The following SYK variants were observed in gnomAD, a reference collection of about 807,000 sequenced individuals.
SYK encodes tyrosine-protein kinase SYK.
A neutral mutation model predicts 77.8 loss-of-function variants in SYK; 16 were observed. The ratio of observed to expected loss-of-function variants is 0.21; its 90% confidence interval spans 0.14 to 0.31. The LOEUF is 0.31. SYK is among the 10% of genes least tolerant of loss of function. The pLI is 1.00. For synonymous variants in SYK, 312 were observed against 308.7 expected (o/e 1.01, Z -0.11); for missense variants, 529 against 814.4 (o/e 0.65, Z 4.26).
At chr9:90,807,512 C>T (rs1003858305) in intron 1 of SYK, among the ~76,000 whole-genome samples, 2 of 149,346 alleles carry the variant, frequency 1.3e-5, no homozygotes, top group Admixed American at 6.7e-5. Flanking sequence ...TAATGGAGAC[C>T]GTGCCTGCAG....
intron 1 of SYK, among the ~76,000 whole-genome samples, chr9:90,830,122 T>G (rs572203161): frequency 6.6e-6 from 1 of 152,396 alleles, no homozygotes; most frequent in East Asian, 1.9e-4. Flanking sequence ...TATCTCTATA[T>G]ACTAAGAAGT....
At chr9:90,890,508 C>T (rs553634123) in intron 13 of SYK, among the ~76,000 whole-genome samples, 4 of 152,198 alleles carry the variant, frequency 2.6e-5, no homozygotes, top group African/African-American at 7.2e-5. Flanking sequence ...TAAGATGGAA[C>T]CTGAGTGAGG....
intron 10 of SYK, 76 bp downstream of exon 10, chr9:90,877,856 C>T (rs1828006353): frequency 1.3e-6 from 2 of 1,518,500 alleles, no homozygotes; most frequent in African/African-American, 1.4e-5. Context: ...GGCCGAGCAG[C>T]CTGATTTCCT....
chr9:90,816,443 T>G (rs2118359535), intron 1 of SYK, among the ~76,000 whole-genome samples: 1 of 152,346 alleles, frequency 6.6e-6, no homozygotes, highest in South Asian at 2.1e-4. Flanking sequence ...CTGCCACCTC[T>G]GAGAACTGTG....
At chr9:90,808,952 G>C (rs569576714) in intron 1 of SYK, among the ~76,000 whole-genome samples, 2 of 152,282 alleles carry the variant, frequency 1.3e-5, no homozygotes, top group African/African-American at 4.8e-5. Flanking sequence ...TCCTCAGCGT[G>C]CTATGACTTC....
chr9:90,872,032 C>A (rs1827747514), intron 7 of SYK, among the ~76,000 whole-genome samples: 1 of 152,202 alleles, frequency 6.6e-6, no homozygotes, highest in African/African-American at 2.4e-5. Context: ...GGTTTAGATT[C>A]TCTGTGTCCA....
At chr9:90,856,082 A>G (rs191562822) in intron 3 of SYK, among the ~76,000 whole-genome samples, 1 of 152,342 alleles carries the variant, frequency 6.6e-6, no homozygotes, top group Admixed American at 6.5e-5. Context: ...CTTAAGTTAG[A>G]TAGTAAAGAA....
At chr9:90,862,158 T>A (rs766676823) in intron 3 of SYK, 48 bp from the exon 4 acceptor site, 1 of 1,563,136 alleles carries the variant, frequency 6.4e-7, no homozygotes, top group Non-Finnish European at 8.7e-7. Flanking sequence ...GGGTCCCACC[T>A]GGAGACTGGC....
intron 3 of SYK, among the ~76,000 whole-genome samples, chr9:90,852,154 C>T (rs1826846893): frequency 6.6e-6 from 1 of 152,172 alleles, no homozygotes; most frequent in South Asian, 2.1e-4. Flanking sequence ...TAGGTTCACA[C>T]TTCATTATTA....
chr9:90,874,776 C>T lies in SYK; in HGVS notation c.1108C>T (p.Leu370=), dbSNP rs1374923101. The part of the protein sequence containing the change: ...PKEVYLDRKL[L]TLEDKELGSG... ...GGAGGTTTACCTGGACCGAAAGCTG[C>T]TGACGCTGGAAGACAAAGAACTGGG... Residue 370 remains leucine (L), a synonymous_variant, in exon 9 of 14, where the codon CTG becomes TTG. Coordinates refer to ENST00000375754, the MANE Select transcript of SYK (RefSeq NM_003177.7). 4 of 1,614,096 alleles carry T rather than the reference C, an allele frequency of 2.5e-6. No homozygotes were observed. Among genetic ancestry groups the T allele is most frequent in the Non-Finnish European group, 8.5e-7 (1 of 1,180,026 alleles).
At chr9:90,837,092 G>A (rs1826114573) in intron 1 of SYK, among the ~76,000 whole-genome samples, 1 of 152,022 alleles carries the variant, frequency 6.6e-6, no homozygotes, top group Non-Finnish European at 1.5e-5. Flanking sequence ...AAGCCTTCTG[G>A]TCAACAGTAG....
chr9:90,882,453 A>G (rs986898621), intron 11 of SYK, among the ~76,000 whole-genome samples: 1 of 152,236 alleles, frequency 6.6e-6, no homozygotes, highest in South Asian at 2.1e-4. Flanking sequence ...GAGACCTCAC[A>G]CAGGTGACAT....
chr9:90,860,838 G>A lies in SYK; in HGVS notation c.579-1368G>A, dbSNP rs774863892. 5.3e-5 allele frequency among the ~76,000 whole-genome samples: 8 copies of A among 152,248 alleles called. No individual in the cohort carries two copies. In the East Asian group the frequency reaches 5.8e-4, roughly 11 times the overall value. On this transcript the variant is annotated intron_variant, in intron 3 of 13. Coordinates refer to ENST00000375754, the MANE Select transcript of SYK (RefSeq NM_003177.7). ...GGCCATCTCAACTCTCCCTGTGGTC[G>A]TGTATCTGACTTCTTGCAACCAGGA... is the stretch of plus-strand genomic sequence containing the variant.
chr9:90,808,774 C>T (rs1016727096), intron 1 of SYK, among the ~76,000 whole-genome samples: 7 of 152,118 alleles, frequency 4.6e-5, no homozygotes, highest in East Asian at 3.9e-4. Context: ...AGGTCTCTGT[C>T]GCTTCTAAGG....
chr9:90,801,877 C>G lies in SYK; in HGVS notation c.-58C>G, dbSNP rs1826744113. 1 of 152,548 alleles carries G rather than the reference C, an allele frequency of 6.6e-6. No homozygotes were observed. The highest frequency in any genetic ancestry group is 1.5e-5 in the Non-Finnish European group (1 of 68,182). The allele number at this position is 152,548 out of a possible 1,614,324, so 9.4% of individuals were successfully genotyped here. On this transcript the variant is annotated 5_prime_UTR_variant, in exon 1 of 14. Transcript: ENST00000375754. ...GGTGGCCCCGCGCTGCGCCCGCCCT[C>G]GCCTCACCTGGCGCAGGTAGGTGTG... is the stretch of plus-strand genomic sequence containing the variant.
intron 6 of SYK, among the ~76,000 whole-genome samples, chr9:90,866,346 T>C (rs1185877530): frequency 6.6e-6 from 1 of 152,242 alleles, no homozygotes; most frequent in Non-Finnish European, 1.5e-5. Flanking sequence ...GCCCAGTAGC[T>C]GAGCCCAGGT....
chr9:90,891,111 G>A (rs1289983675), intron 13 of SYK, among the ~76,000 whole-genome samples: 4 of 150,742 alleles, frequency 2.7e-5, no homozygotes, highest in Non-Finnish European at 5.9e-5. Context: ...ATGCAGATGA[G>A]GTCTCTCCTT....
intron 1 of SYK, among the ~76,000 whole-genome samples, chr9:90,810,267 C>A (rs948445951): frequency 1.3e-5 from 2 of 152,134 alleles, no homozygotes; most frequent in African/African-American, 2.4e-5. Context: ...GACAATGTGC[C>A]CCCAGCATCT....
At chr9:90,825,448 C>G (rs1426283745) in intron 1 of SYK, among the ~76,000 whole-genome samples, 1 of 152,196 alleles carries the variant, frequency 6.6e-6, no homozygotes, top group Non-Finnish European at 1.5e-5. Context: ...AGTTGGAGGA[C>G]TCACACTACT....
Sources: allele counts gnomAD v4.1 joint callset (sites outside exome capture counted in the v4.1 genomes callset), GRCh38; gene constraint gnomAD v4.1.1; transcripts MANE v1.5; gene names NCBI Gene and HGNC (gene_info 2026-07-23, HGNC 2026-07-21).